Variants in KTN1 observed in about 807,000 individuals in gnomAD.
KTN1 encodes the protein kinectin 1.
In KTN1, 130 loss-of-function variants were observed where a neutral mutation model predicts 222.5. The observed-to-expected ratio is 0.58, with a 90% CI of 0.51 to 0.68. The LOEUF is 0.68. Among genes scored for constraint, KTN1 ranks in the 30% least tolerant of loss-of-function variants. KTN1 has a pLI of 0.00. For missense variants in KTN1, 1,508 were observed against 1,500.4 expected (o/e 1.01, Z -0.08); for synonymous variants, 512 against 496.3 (o/e 1.03, Z -0.42).
At chr14:55,650,515 A>G in intron 23 of KTN1, 54 bp from the exon 24 acceptor site, 1 of 1,531,244 alleles carries the variant, frequency 6.5e-7, no homozygotes, top group Non-Finnish European at 9.0e-7. Context: ...ATTGCATTTT[A>G]TGTCAATTTC....
intron 30 of KTN1, among the ~76,000 whole-genome samples, 185 bp from the exon 31 acceptor site, chr14:55,659,481 A>G (rs555957629): frequency 6.2e-4 from 95 of 152,284 alleles, no homozygotes; most frequent in South Asian, 6.2e-4. Context: ...TTAGCATTCC[A>G]TACATTTTAC....
chr14:55,662,966 C>G, intron 32 of KTN1: 1 of 455,880 alleles, frequency 2.2e-6, no homozygotes, highest in South Asian at 1.5e-5. Context: ...GTGAAAAGAG[C>G]CAGGACACTG....
chr14:55,619,090 G>T, intron 4 of KTN1, 92 bp from the exon 5 acceptor site: 2 of 939,988 alleles, frequency 2.1e-6, no homozygotes, highest in Non-Finnish European at 3.2e-6. Flanking sequence ...TGACTTTCTG[G>T]GCCGTGAATT....
At chr14:55,597,398 TTTC>T (rs2035235364) in intron 1 of KTN1, among the ~76,000 whole-genome samples, 1 of 152,206 alleles carries the variant, frequency 6.6e-6, no homozygotes, top group Admixed American at 6.5e-5. Context: ...AGAATGAACA[TTTC>T]TTAAGTTTAT....
chr14:55,637,256 T>C lies in KTN1; in HGVS notation c.1608T>C (p.Leu536=), dbSNP rs1259788448. Residue 536 remains leucine, a synonymous_variant, in exon 11 of 44, where the codon CTT becomes CTC. Transcript: ENST00000395314. Reference sequence around the variant, plus strand: ...AAGTACAGAGTCTGCATAGTAAGCTTACAGATACCTTGGTATCAAAACAAC... The same window carrying C: ...AAGTACAGAGTCTGCATAGTAAGCTCACAGATACCTTGGTATCAAAACAAC... ...ENEVQSLHSK[L]TDTLVSKQQL... 5 of 1,611,542 alleles carry C rather than the reference T, an allele frequency of 3.1e-6. No homozygotes were observed. The highest frequency in any genetic ancestry group is 1.7e-5 in the Admixed American group (1 of 59,928).
At position 55,651,883 on chromosome 14, in the gene KTN1, A is replaced by ATT; in HGVS notation, c.2566-5_2566-4dup. 6.5e-7 allele frequency: 1 copy of ATT among 1,547,670 alleles called. No homozygotes were observed. Among genetic ancestry groups the ATT allele is most frequent in the Non-Finnish European group, 8.9e-7 (1 of 1,126,320 alleles). On this transcript the variant is annotated splice_polypyrimidine_tract_variant and splice_region_variant and intron_variant, in intron 24 of 43. Transcript: ENST00000395314. ...ATTAATTGATTTTTCTGTCCTTTGT[A>ATT]TTTCAGTTATCTATCACTTCCAAAG... is the stretch of plus-strand genomic sequence containing the variant.
intron 1 of KTN1, among the ~76,000 whole-genome samples, chr14:55,601,388 A>G (rs755173193): frequency 5.3e-5 from 8 of 152,146 alleles, no homozygotes; most frequent in African/African-American, 1.2e-4. Context: ...GGGAATTCCA[A>G]TGTTTGGATT....
intron 19 of KTN1, 72 bp from the exon 20 acceptor site, chr14:55,647,953 T>A (rs868617591): frequency 3.5e-4 from 156 of 447,730 alleles, no homozygotes; most frequent in Middle Eastern, 3.1e-3. Flanking sequence ...CAAAAAAAAA[T>A]AATAATTATA....
chr14:55,672,055 C>A, intron 37 of KTN1, 178 bp downstream of exon 37: 1 of 539,778 alleles, frequency 1.9e-6, no homozygotes, highest in South Asian at 2.9e-5. Context: ...TAATGCCCAC[C>A]CAAGTTTGAA....
intron 1 of KTN1, among the ~76,000 whole-genome samples, chr14:55,597,716 T>C (rs1353225569): frequency 2.0e-5 from 3 of 151,960 alleles, no homozygotes; most frequent in Non-Finnish European, 4.4e-5. Flanking sequence ...TAACAAGGCA[T>C]GGTGGCGGGC....
chr14:55,681,920 C>G (rs1191228670), intron 43 of KTN1: 1 of 152,084 alleles, frequency 6.6e-6, no homozygotes, highest in African/African-American at 2.4e-5. Context: ...TACATATATT[C>G]TCCCTCCTGT....
chr14:55,640,795 A>G lies in KTN1; in HGVS notation c.1984-138A>G, dbSNP rs948477315. 1.3e-5 allele frequency: 9 copies of G among 696,866 alleles called. No individual in the cohort carries two copies. In the African/African-American group the frequency reaches 1.4e-4, roughly 11 times the overall value. The allele number at this position is 696,866 out of a possible 1,614,324, so 43.2% of individuals were successfully genotyped here. A position where few individuals can be genotyped will look rare whatever the true frequency, so the allele number is the denominator to read the frequency against. On this transcript the variant is annotated intron_variant, in intron 15 of 43. Coordinates refer to ENST00000395314, the MANE Select transcript of KTN1 (RefSeq NM_001079521.2). ...AGTAAAAAATATCGAACAGCAAAACATGTTACAGAAATATACAGTATTGCT... is the reference window on the plus strand; with the variant it reads ...AGTAAAAAATATCGAACAGCAAAACGTGTTACAGAAATATACAGTATTGCT...
intron 5 of KTN1, among the ~76,000 whole-genome samples, chr14:55,621,902 G>A (rs889256492): frequency 6.9e-6 from 1 of 145,322 alleles, no homozygotes; most frequent in Non-Finnish European, 1.5e-5. Context: ...AGGCTGGAGT[G>A]CAGTGGCGTG....
At chr14:55,610,442 C>CA (rs1343964836) in intron 1 of KTN1, among the ~76,000 whole-genome samples, 3 of 152,142 alleles carry the variant, frequency 2.0e-5, no homozygotes, top group Non-Finnish European at 4.4e-5. Flanking sequence ...TCAATAAACT[C>CA]ACATTTATCC....
At chr14:55,650,664 C>G (rs755594520) in intron 24 of KTN1, 27 bp downstream of exon 24, 1 of 1,515,364 alleles carries the variant, frequency 6.6e-7, no homozygotes, top group Admixed American at 1.8e-5. Context: ...CATAGCATGA[C>G]AGATTTATTA....
intron 2 of KTN1, among the ~76,000 whole-genome samples, chr14:55,613,705 A>G (rs1453394097): frequency 6.6e-6 from 1 of 152,092 alleles, no homozygotes; most frequent in Admixed American, 6.5e-5. Flanking sequence ...CTGACCTCAA[A>G]TGATCCGCCT....
At chr14:55,659,307 GT>G (rs772118269) in intron 30 of KTN1, among the ~76,000 whole-genome samples, 3,256 of 120,542 alleles carry the variant, frequency 0.027, 78 homozygotes, top group African/African-American at 0.076. Flanking sequence ...TTTGATTTCT[GT>G]TTTTTTTTTT....
chr14:55,615,955 T>C (rs2038326253), intron 2 of KTN1, among the ~76,000 whole-genome samples: 1 of 151,948 alleles, frequency 6.6e-6, no homozygotes, highest in African/African-American at 2.4e-5. Context: ...GCTCTGTTGC[T>C]GAGGCTCGAG....
intron 19 of KTN1, among the ~76,000 whole-genome samples, chr14:55,647,682 G>A (rs2042521379): frequency 6.9e-6 from 1 of 144,098 alleles, no homozygotes; most frequent in South Asian, 2.2e-4. Flanking sequence ...GGTGGCTGAT[G>A]CTGGTAATCC....
Sources: allele counts gnomAD v4.1 joint callset (sites outside exome capture counted in the v4.1 genomes callset), GRCh38; gene constraint gnomAD v4.1.1; transcripts MANE v1.5; gene names NCBI Gene and HGNC (gene_info 2026-07-23, HGNC 2026-07-21).